The following DLG2 variants were observed in gnomAD, a reference collection of about 807,000 sequenced individuals.
The protein encoded by DLG2 is discs large MAGUK scaffold protein 2.
A neutral mutation model predicts 132.5 loss-of-function variants in DLG2; 45 were observed. That is an observed-to-expected ratio of 0.34 (90% CI 0.27 to 0.44). The LOEUF (loss-of-function observed/expected upper bound fraction) is 0.44, where lower values mean the gene tolerates loss of function less well. DLG2 is among the 20% of genes least tolerant of loss of function. DLG2 has a pLI of 1.00. For missense variants in DLG2, 1,045 were observed against 1,196.9 expected (o/e 0.87, Z 1.87); for synonymous variants, 424 against 419.6 (o/e 1.01, Z -0.13).
intron 19 of DLG2, among the ~76,000 whole-genome samples, chr11:83,593,679 A>G (rs887049146): frequency 1.3e-5 from 2 of 151,696 alleles, no homozygotes; most frequent in African/African-American, 4.8e-5. Flanking sequence ...AAAAGAAAAA[A>G]AAAGAATTTA....
intron 18 of DLG2, among the ~76,000 whole-genome samples, chr11:83,770,091 C>T (rs1001541120): frequency 9.5e-6 from 1 of 105,496 alleles, no homozygotes; most frequent in African/African-American, 3.2e-5. Context: ...TTGATTCCAA[C>T]TAAATTATCA....
intron 6 of DLG2, among the ~76,000 whole-genome samples, chr11:84,749,160 C>T (rs974233896): frequency 2.0e-5 from 3 of 152,136 alleles, no homozygotes; most frequent in Non-Finnish European, 4.4e-5. Context: ...TTTCAGTAAA[C>T]TCTGATCTTC....
chr11:83,855,436 A>C (rs1389168109), intron 16 of DLG2, among the ~76,000 whole-genome samples: 1 of 152,260 alleles, frequency 6.6e-6, no homozygotes, highest in Non-Finnish European at 1.5e-5. Context: ...GTCCTTCAGT[A>C]GGTGAATGGA....
intron 7 of DLG2, among the ~76,000 whole-genome samples, chr11:84,391,788 T>G (rs1053352833): frequency 6.6e-6 from 1 of 150,570 alleles, no homozygotes; most frequent in Middle Eastern, 3.4e-3. Context: ...GGATTTTCTG[T>G]TAATGTTAAA....
intron 7 of DLG2, among the ~76,000 whole-genome samples, chr11:84,328,570 T>G (rs536267364): frequency 6.6e-6 from 1 of 152,324 alleles, no homozygotes; most frequent in African/African-American, 2.4e-5. Flanking sequence ...CAGTTTTTCT[T>G]CAGTTTAAAT....
intron 3 of DLG2, among the ~76,000 whole-genome samples, chr11:85,570,911 G>A (rs576162217): frequency 5.9e-5 from 9 of 151,802 alleles, no homozygotes; most frequent in East Asian, 5.8e-4. Context: ...TAAATCTTTC[G>A]ATTATTGTAC....
At chr11:84,988,501 T>C (rs997704086) in intron 6 of DLG2, among the ~76,000 whole-genome samples, 1 of 152,178 alleles carries the variant, frequency 6.6e-6, no homozygotes, top group African/African-American at 2.4e-5. Flanking sequence ...AAGAAACTGA[T>C]ATTATATATA....
intron 6 of DLG2, among the ~76,000 whole-genome samples, chr11:84,976,340 A>T (rs2054902338): frequency 6.6e-6 from 1 of 152,150 alleles, no homozygotes; most frequent in Non-Finnish European, 1.5e-5. Flanking sequence ...GCCAGGGGGT[A>T]TGCTGTACCC....
chr11:85,603,465 A>G (rs778601228), intron 2 of DLG2, among the ~76,000 whole-genome samples: 3 of 150,784 alleles, frequency 2.0e-5, no homozygotes, highest in Non-Finnish European at 2.9e-5. Context: ...TCATTTCCTC[A>G]TTAAAGTCTG....
At chr11:84,244,891 T>C (rs2097282472) in intron 8 of DLG2, among the ~76,000 whole-genome samples, 1 of 152,220 alleles carries the variant, frequency 6.6e-6, no homozygotes, top group African/African-American at 2.4e-5. Flanking sequence ...GAGGCAATTA[T>C]GGAAAATGGT....
chr11:84,328,992 A>T (rs1388657906), intron 7 of DLG2, among the ~76,000 whole-genome samples: 1 of 152,218 alleles, frequency 6.6e-6, no homozygotes, highest in Admixed American at 6.5e-5. Context: ...ACCAGGTAGA[A>T]TTCTTGCAGG....
chr11:83,763,864 G>A (rs2094023674), intron 18 of DLG2, among the ~76,000 whole-genome samples: 2 of 152,034 alleles, frequency 1.3e-5, no homozygotes, highest in African/African-American at 4.8e-5. Flanking sequence ...TTCTCTCACT[G>A]GTCCTGTCAT....
intron 10 of DLG2, among the ~76,000 whole-genome samples, chr11:84,074,764 G>A (rs1295899032): frequency 2.6e-5 from 4 of 152,018 alleles, no homozygotes; most frequent in African/African-American, 9.7e-5. Context: ...TCCTGACCTC[G>A]TGATCTGCCC....
intron 3 of DLG2, among the ~76,000 whole-genome samples, chr11:85,564,291 T>C (rs1223087663): frequency 6.6e-6 from 1 of 152,002 alleles, no homozygotes; most frequent in Non-Finnish European, 1.5e-5. Flanking sequence ...TTTTTACTTT[T>C]TTTCATGCAC....
intron 7 of DLG2, among the ~76,000 whole-genome samples, chr11:84,447,470 A>C (rs1259303735): frequency 1.3e-5 from 2 of 152,172 alleles, no homozygotes; most frequent in East Asian, 3.8e-4. Flanking sequence ...CCTGTGAGGA[A>C]AGTCTACCTT....
intron 9 of DLG2, among the ~76,000 whole-genome samples, chr11:84,100,721 A>G (rs1334706703): frequency 1.3e-5 from 2 of 152,078 alleles, no homozygotes; most frequent in Non-Finnish European, 2.9e-5. Context: ...AGGACTATGA[A>G]TTCAGTAGTT....
intron 3 of DLG2, among the ~76,000 whole-genome samples, chr11:85,574,290 C>T (rs2078021380): frequency 6.6e-6 from 1 of 151,944 alleles, no homozygotes; most frequent in South Asian, 2.1e-4. Flanking sequence ...TTGATATCTC[C>T]CTGGTACCCC....
chr11:83,691,425 A>G (rs2080972108), intron 18 of DLG2, among the ~76,000 whole-genome samples: 1 of 152,146 alleles, frequency 6.6e-6, no homozygotes, highest in African/African-American at 2.4e-5. Flanking sequence ...CTCATTCACA[A>G]TACTTTTCAT....
chr11:85,088,123 T>C (rs76026778), intron 6 of DLG2, among the ~76,000 whole-genome samples: 5,337 of 152,134 alleles, frequency 0.035, 128 homozygotes, highest in African/African-American at 0.057. Flanking sequence ...TTAGTAAATA[T>C]GGAGACAAAT....
Sources: gnomAD v4.1 joint callset for allele counts (sites outside exome capture counted in the v4.1 genomes callset) on GRCh38, gnomAD v4.1.1 for gene constraint, MANE v1.5 for transcripts, NCBI Gene and HGNC (gene_info 2026-07-23, HGNC 2026-07-21) for gene names.